Variants in NOS1 observed in about 807,000 individuals in gnomAD.
The protein encoded by NOS1 is NOS type I.
NOS1 carries 51 observed loss-of-function variants against 164.5 expected under a neutral mutation model. The ratio of observed to expected loss-of-function variants is 0.31; its 90% CI spans 0.25 to 0.39. The LOEUF (loss-of-function observed/expected upper bound fraction) is 0.39. NOS1 is among the 10% of genes least tolerant of loss of function. The pLI is 1.00. For missense variants in NOS1, 1,362 were observed against 1,885.6 expected, an observed-to-expected ratio of 0.72 and a Z score of 5.14; for synonymous variants, 719 against 745.8, an observed-to-expected ratio of 0.96 and a Z score of 0.59.
At chr12:117,254,082 G>T (rs1871276390) in intron 16 of NOS1, among the ~76,000 whole-genome samples, 1 of 151,764 alleles carries the variant, frequency 6.6e-6, no homozygotes, top group African/African-American at 2.4e-5. Context: ...TAAACCATGA[G>T]ACCATGCTCC....
Position 117,247,338 on chromosome 12 carries a change from T to C in NOS1, c.2823+10A>G. 1 of 1,584,066 alleles carries C rather than the reference T, an allele frequency of 6.3e-7. No homozygotes were observed. Among genetic ancestry groups the C allele is most frequent in the South Asian group, 1.2e-5 (1 of 86,808 alleles). ...TACTTTTTCCTGTAGGTCCATGAGATCCAGATTACCTTGAAGACCTTCTTG... is the reference window on the plus strand; with the variant it reads ...TACTTTTTCCTGTAGGTCCATGAGACCCAGATTACCTTGAAGACCTTCTTG... On this transcript the variant is annotated intron_variant, in intron 18 of 28. Coordinates refer to ENST00000317775, the MANE Select transcript of NOS1 (RefSeq NM_000620.5).
chr12:117,217,901 G>C, intron 28 of NOS1, 145 bp downstream of exon 28: 1 of 691,912 alleles, frequency 1.4e-6, no homozygotes, highest in Non-Finnish European at 2.6e-6. Context: ...GGTGGTCTGG[G>C]AATTTGCATT....
chr12:117,258,781 C>A (rs1011220907), intron 15 of NOS1, among the ~76,000 whole-genome samples: 2 of 152,220 alleles, frequency 1.3e-5, no homozygotes, highest in African/African-American at 2.4e-5. Context: ...GCAGCCACTG[C>A]AAACAAATAG....
At chr12:117,222,001 C>T (rs1240122814) in intron 26 of NOS1, among the ~76,000 whole-genome samples, 4 of 151,770 alleles carry the variant, frequency 2.6e-5, no homozygotes, top group African/African-American at 7.3e-5. Context: ...TAACATTTAC[C>T]GTCGTAACCA....
rs757983913 is a variant in NOS1 at position 117,260,454 on chromosome 12, C to G, written c.2367+11G>C. ...GAGAAGCTGGTGGAGCTAGGGCTAC[C>G]CCCCACCTACCTTGGCATCAAAGGC... On this transcript the variant is annotated intron_variant, in intron 14 of 28. Coordinates refer to ENST00000317775, the MANE Select transcript of NOS1 (RefSeq NM_000620.5). 3 of 1,612,684 alleles carry G rather than the reference C, an allele frequency of 1.9e-6. No homozygotes were observed. In the East Asian group the frequency reaches 6.7e-5, roughly 36 times the overall value.
intron 17 of NOS1, among the ~76,000 whole-genome samples, chr12:117,250,781 C>T (rs927628744): frequency 6.6e-6 from 1 of 152,154 alleles, no homozygotes; most frequent in Non-Finnish European, 1.5e-5. Context: ...AAGCCACCTG[C>T]CTCAGCCTTA....
At chr12:117,315,281 G>C (rs1274046788) in intron 2 of NOS1, among the ~76,000 whole-genome samples, 1 of 151,972 alleles carries the variant, frequency 6.6e-6, no homozygotes, top group Non-Finnish European at 1.5e-5. Context: ...TTGGCTCACT[G>C]TAACGTCCAC....
chr12:117,234,548 G>A lies in NOS1; in HGVS notation c.3235+17C>T, dbSNP rs755448997. 1.9e-6 allele frequency: 3 copies of A among 1,605,894 alleles called. No individual in the cohort carries two copies. The highest frequency in any genetic ancestry group is 2.2e-5 in the East Asian group (1 of 44,690). On this transcript the variant is annotated intron_variant, in intron 21 of 28. Coordinates refer to ENST00000317775, the MANE Select transcript of NOS1 (RefSeq NM_000620.5). This position sits in a 1 kb window ranked among gnomAD's most constrained non-coding sequence, Gnocchi z 4.3. ...CTGCAGCTCCCTAGAGCAGGGAAGGGTCCCCGGGAATGTTACCTAAAGCCG... is the reference window on the plus strand; with the variant it reads ...CTGCAGCTCCCTAGAGCAGGGAAGGATCCCCGGGAATGTTACCTAAAGCCG...
intron 28 of NOS1, among the ~76,000 whole-genome samples, chr12:117,217,098 C>T (rs977584490): frequency 2.0e-5 from 3 of 152,080 alleles, no homozygotes; most frequent in Non-Finnish European, 2.9e-5. Context: ...TCATGAGACC[C>T]GGGCACAGTC....
At chr12:117,278,133 C>A (rs1229280088) in intron 8 of NOS1, 35 bp from the exon 9 acceptor site, 1 of 1,583,840 alleles carries the variant, frequency 6.3e-7, no homozygotes, top group Non-Finnish European at 8.6e-7. Context: ...TGCCACTGTA[C>A]CCCACACCCT....
chr12:117,280,910 G>C, intron 7 of NOS1, 44 bp from the exon 8 acceptor site: 6 of 1,601,454 alleles, frequency 3.7e-6, no homozygotes, highest in Non-Finnish European at 5.1e-6. Context: ...GGCGGGACTT[G>C]CGCTGTGGGA....
chr12:117,289,995 C>CT (rs939815649), intron 4 of NOS1, among the ~76,000 whole-genome samples: 3 of 152,172 alleles, frequency 2.0e-5, no homozygotes, highest in African/African-American at 7.2e-5. Context: ...TTACTATCTG[C>CT]TTTTTCTGGC....
At chr12:117,314,281 G>C (rs183044173) in intron 2 of NOS1, among the ~76,000 whole-genome samples, 12 of 152,258 alleles carry the variant, frequency 7.9e-5, no homozygotes, top group African/African-American at 2.4e-4. Context: ...CTACATGATC[G>C]TAAACAGAAG....
chr12:117,216,861 A>T (rs1956619561), intron 28 of NOS1, among the ~76,000 whole-genome samples: 1 of 152,152 alleles, frequency 6.6e-6, no homozygotes, highest in South Asian at 2.1e-4. Flanking sequence ...TGTTTTAGAG[A>T]CTGCTGTGTC....
rs1869521744 is a variant in NOS1, at chr12:117,234,357, G to C, written c.3235+208C>G. 3.9e-5 allele frequency among the ~76,000 whole-genome samples: 6 copies of C among 152,292 alleles called. No individual in the cohort carries two copies. In the South Asian group the frequency reaches 1.2e-3, roughly 32 times the overall value. On this transcript the variant is annotated intron_variant, in intron 21 of 28. Transcript: ENST00000317775. The surrounding 1 kb of genome is among the most constrained non-coding windows in gnomAD (Gnocchi z 4.3). ...TTCAATGGTGAGCCATCAATGGCCT[G>C]GCACTATGTGCATTTATTTGCTCAG...
chr12:117,255,771 C>T (rs1360712827), intron 16 of NOS1, among the ~76,000 whole-genome samples: 1 of 152,236 alleles, frequency 6.6e-6, no homozygotes, highest in Non-Finnish European at 1.5e-5. Context: ...CCAAGGCCCA[C>T]AGGGGTTAAG....
chr12:117,238,376 C>G (rs931758299), intron 20 of NOS1, among the ~76,000 whole-genome samples: 11 of 152,144 alleles, frequency 7.2e-5, no homozygotes, highest in African/African-American at 2.4e-4. Flanking sequence ...CCTGGTCCAA[C>G]CAATATTTTG....
At chr12:117,353,249 C>A (rs1876711381) in intron 1 of NOS1, among the ~76,000 whole-genome samples, 1 of 152,132 alleles carries the variant, frequency 6.6e-6, no homozygotes, top group African/African-American at 2.4e-5. Flanking sequence ...ATCTATCAAT[C>A]ATCTATCTAC....
intron 17 of NOS1, among the ~76,000 whole-genome samples, chr12:117,252,545 G>A (rs1422827057): frequency 1.3e-5 from 2 of 152,202 alleles, no homozygotes; most frequent in African/African-American, 4.8e-5. Flanking sequence ...GAACCCTAAA[G>A]TAAACTATGG....
Sources: gnomAD v4.1 joint callset for allele counts (sites outside exome capture counted in the v4.1 genomes callset) on GRCh38, gnomAD v4.1.1 for gene constraint, Gnocchi (gnomAD v3.1) non-coding constraint, MANE v1.5 for transcripts, NCBI Gene and HGNC (gene_info 2026-07-23, HGNC 2026-07-21) for gene names.